The following ABCC1 variants were observed in gnomAD, a reference collection of about 807,000 sequenced individuals.
The protein encoded by ABCC1 is ATP binding cassette subfamily C member 1 (ABCC1 blood group), also known as multidrug resistance-associated protein 1.
A neutral mutation model predicts 172.9 loss-of-function variants in ABCC1; 83 were observed. That is an observed-to-expected ratio of 0.48 (90% CI 0.40 to 0.58). The LOEUF is 0.58. Ranked by LOEUF, ABCC1 falls within the 20% of genes least tolerant of loss-of-function variation. The pLI is 0.00. For missense variants in ABCC1, 1,817 were observed against 2,002.7 expected (o/e 0.91, Z 1.77); for synonymous variants, 937 against 825.2 (o/e 1.14, Z -2.32).
chr16:16,029,696 C>T (rs974067401), intron 5 of ABCC1, among the ~76,000 whole-genome samples: 1 of 152,210 alleles, frequency 6.6e-6, no homozygotes, highest in South Asian at 2.1e-4. Flanking sequence ...CTAATGATAA[C>T]ATCTGAAAGA....
intron 1 of ABCC1, among the ~76,000 whole-genome samples, chr16:15,967,156 A>G (rs13331142): frequency 0.043 from 6,479 of 152,150 alleles, 463 homozygotes; most frequent in African/African-American, 0.15. Flanking sequence ...CACACCCTCT[A>G]TATTCTCCAA....
intron 17 of ABCC1, among the ~76,000 whole-genome samples, chr16:16,085,505 C>T (rs1338393805): frequency 1.3e-5 from 2 of 152,200 alleles, no homozygotes; most frequent in African/African-American, 4.8e-5. Flanking sequence ...ATTGGCTGGG[C>T]GCGGTAGCTC....
chr16:16,017,123 G>A (rs762915622), intron 5 of ABCC1, among the ~76,000 whole-genome samples: 2 of 152,178 alleles, frequency 1.3e-5, no homozygotes, highest in African/African-American at 2.4e-5. Context: ...TATTTTGTCA[G>A]TTTCAGAGAA....
chr16:16,063,589 G>C (rs2049999110), intron 12 of ABCC1, among the ~76,000 whole-genome samples: 1 of 152,164 alleles, frequency 6.6e-6, no homozygotes, highest in Non-Finnish European at 1.5e-5. Context: ...ACTAGAGTAA[G>C]AGAAGAGGGG....
At chr16:15,971,237 A>G (rs569675552) in intron 1 of ABCC1, among the ~76,000 whole-genome samples, 2 of 152,284 alleles carry the variant, frequency 1.3e-5, no homozygotes, top group Admixed American at 1.3e-4. Flanking sequence ...GTAGCGCATG[A>G]AAAAGCTGGC....
At chr16:16,140,338 T>C (rs1049441122) in intron 30 of ABCC1, among the ~76,000 whole-genome samples, 1 of 152,112 alleles carries the variant, frequency 6.6e-6, no homozygotes. Context: ...GGAAGTGACA[T>C]GAGTTTCTAT....
intron 18 of ABCC1, among the ~76,000 whole-genome samples, chr16:16,087,728 G>A (rs1362666722): frequency 6.6e-6 from 1 of 152,190 alleles, no homozygotes; most frequent in African/African-American, 2.4e-5. Flanking sequence ...TGCAATGCTG[G>A]GATTACAGGC....
chr16:16,138,264 C>CAT (rs1279060973), intron 29 of ABCC1, 100 bp from the exon 30 acceptor site: 4 of 1,147,480 alleles, frequency 3.5e-6, no homozygotes, highest in Non-Finnish European at 4.9e-6. Flanking sequence ...GGTCAAGCAA[C>CAT]ATAGAGTGTC....
intron 19 of ABCC1, 31 bp downstream of exon 19, chr16:16,090,619 A>T (rs746415507): frequency 6.5e-7 from 1 of 1,535,866 alleles, no homozygotes; most frequent in Non-Finnish European, 8.8e-7. Flanking sequence ...CCACCCACTC[A>T]GGGTGTCTGG....
At chr16:16,079,617 C>T in intron 16 of ABCC1, 139 bp downstream of exon 16, 1 of 1,104,126 alleles carries the variant, frequency 9.1e-7, no homozygotes, top group South Asian at 1.7e-5. Context: ...CCTCCTGTAT[C>T]TTTCCACTGT....
At chr16:16,074,166 T>C (rs997101625) in intron 14 of ABCC1, among the ~76,000 whole-genome samples, 3 of 152,150 alleles carry the variant, frequency 2.0e-5, no homozygotes, top group African/African-American at 7.2e-5. Context: ...CTGTGGGATG[T>C]TGAGCAGCAA....
intron 1 of ABCC1, among the ~76,000 whole-genome samples, chr16:15,956,661 A>G (rs1376543146): frequency 3.9e-5 from 6 of 152,238 alleles, no homozygotes; most frequent in East Asian, 1.9e-4. Context: ...TATATATATT[A>G]TATACTGTAT....
chr16:15,949,728 C>G lies in ABCC1; in HGVS notation c.-24C>G. ...GGGCCCGATCACCCGCCGCCCGGTGCCCGCCGCCGCCCGCGCCACCGGCAT... is the reference window on the plus strand; with the variant it reads ...GGGCCCGATCACCCGCCGCCCGGTGGCCGCCGCCGCCCGCGCCACCGGCAT... On this transcript the variant is annotated 5_prime_UTR_variant, in exon 1 of 31. Transcript: ENST00000399410. 8.7e-7 allele frequency: 1 copy of G among 1,149,548 alleles called. No homozygotes were observed. The highest frequency in any genetic ancestry group is 1.1e-6 in the Non-Finnish European group (1 of 934,034). The allele number at this position is 1,149,548 out of a possible 1,614,324, so 71.2% of individuals were successfully genotyped here. A position where few individuals can be genotyped will look rare whatever the true frequency, so the allele number is the denominator to read the frequency against.
chr16:16,049,761 G>C (rs976921759), intron 10 of ABCC1, among the ~76,000 whole-genome samples: 1 of 152,080 alleles, frequency 6.6e-6, no homozygotes, highest in Admixed American at 6.6e-5. Context: ...TTGGCTCGCT[G>C]CAACCTCTGC....
chr16:16,132,506 G>GTTTTTTTT (rs1567441293), intron 27 of ABCC1, among the ~76,000 whole-genome samples: 6 of 100,972 alleles, frequency 5.9e-5, no homozygotes, highest in African/African-American at 1.4e-4. Flanking sequence ...TTTTTTGGTT[G>GTTTTTTTT]GTTGTTTTTT....
At chr16:16,112,406 T>C (rs1351576350) in intron 22 of ABCC1, among the ~76,000 whole-genome samples, 1 of 152,050 alleles carries the variant, frequency 6.6e-6, no homozygotes, top group Admixed American at 6.6e-5. Flanking sequence ...TATACTGTTC[T>C]GTGTGGTCCT....
chr16:16,097,413 G>A (rs2051529888), intron 19 of ABCC1, among the ~76,000 whole-genome samples: 1 of 152,058 alleles, frequency 6.6e-6, no homozygotes, highest in South Asian at 2.1e-4. Context: ...GTGCCCGGCT[G>A]CTCTGAGGGC....
At chr16:15,978,743 G>C (rs1388790897) in intron 1 of ABCC1, among the ~76,000 whole-genome samples, 1 of 152,080 alleles carries the variant, frequency 6.6e-6, no homozygotes, top group African/African-American at 2.4e-5. Flanking sequence ...AAAATATTAA[G>C]GCAGTGGATC....
intron 6 of ABCC1, among the ~76,000 whole-genome samples, chr16:16,034,960 T>G (rs898373175): frequency 6.6e-6 from 1 of 152,184 alleles, no homozygotes; most frequent in African/African-American, 2.4e-5. Context: ...TGCATGTCAA[T>G]GGATACAGAC....
Sources: allele counts gnomAD v4.1 joint callset (sites outside exome capture counted in the v4.1 genomes callset), GRCh38; gene constraint gnomAD v4.1.1; transcripts MANE v1.5; gene names NCBI Gene and HGNC (gene_info 2026-07-23, HGNC 2026-07-21).